The following SLC18B1 variants were observed in gnomAD, a reference collection of about 807,000 sequenced individuals.
SLC18B1 encodes MFS-type transporter SLC18B1.
In SLC18B1, 62 loss-of-function variants were observed where a neutral mutation model predicts 53.9. That is an observed-to-expected ratio of 1.15 (90% confidence interval 0.94 to 1.42). SLC18B1 has a LOEUF of 1.42. Ranked by LOEUF, SLC18B1 falls within the 40% of genes most tolerant of loss-of-function variation. The pLI, the probability that SLC18B1 is intolerant of heterozygous loss-of-function variation, is 0.00. For missense variants in SLC18B1, 598 were observed against 547.3 expected (o/e 1.09, Z -0.93); for synonymous variants, 217 against 200.9 (o/e 1.08, Z -0.68).
At chr6:132,783,291 C>T (rs61310652) in intron 6 of SLC18B1, among the ~76,000 whole-genome samples, 18,602 of 152,000 alleles carry the variant, frequency 0.12, 2,114 homozygotes, top group African/African-American at 0.3. Flanking sequence ...ATTCTCATGC[C>T]TCAGCCTTCT....
Position 132,797,050 on chromosome 6 carries a change from A to C in SLC18B1, c.115T>G (p.Ser39Ala). ...GAACCTAAGTTCACCGAAGCTGCCG[A>C]TATCAGTACAAAAACCTGTTCTCTC... is the stretch of plus-strand genomic sequence containing the variant. ...LSREQVFVLISAASVNLGSMM... is the reference protein window; with the variant it reads ...LSREQVFVLIAAASVNLGSMM... The change falls in exon 2 of 14, where the codon TCG becomes GCG. Residue 39 changes from serine (S) to alanine (A), a missense_variant. Transcript: ENST00000275227. 1 of 1,614,186 alleles carries C rather than the reference A, an allele frequency of 6.2e-7. No individual in the cohort carries two copies. Among genetic ancestry groups the C allele is most frequent in the African/African-American group, 1.3e-5 (1 of 75,040 alleles).
intron 3 of SLC18B1, 144 bp from the exon 4 acceptor site, chr6:132,789,981 C>T: frequency 1.5e-6 from 1 of 670,380 alleles, no homozygotes; most frequent in South Asian, 2.0e-5. Context: ...AATATGGTGA[C>T]AGTACTCATT....
intron 6 of SLC18B1, among the ~76,000 whole-genome samples, chr6:132,780,565 G>GTT (rs10537572): frequency 2.8e-3 from 210 of 75,724 alleles, no homozygotes; most frequent in Non-Finnish European, 3.5e-3. Flanking sequence ...CGTGGTGTTA[G>GTT]TTTTTTTTTT....
At chr6:132,786,331 G>A (rs1402177019) in intron 5 of SLC18B1, among the ~76,000 whole-genome samples, 1 of 151,980 alleles carries the variant, frequency 6.6e-6, no homozygotes, top group African/African-American at 2.4e-5. Context: ...GGATCACGAG[G>A]TCAGGAGATC....
chr6:132,787,592 A>C lies in SLC18B1; in HGVS notation c.354-11T>G. Reference sequence around the variant, plus strand: ...ACTCGGTCCAATACACTAAAAAGGAATAAGACAATTCTGAAATGCCAAGCT... The same window carrying C: ...ACTCGGTCCAATACACTAAAAAGGACTAAGACAATTCTGAAATGCCAAGCT... On this transcript the variant is annotated splice_polypyrimidine_tract_variant and intron_variant, in intron 4 of 13. Transcript: ENST00000275227. 4 of 1,533,676 alleles carry C rather than the reference A, an allele frequency of 2.6e-6. No individual in the cohort carries two copies. Among genetic ancestry groups the C allele is most frequent in the Non-Finnish European group, 3.5e-6 (4 of 1,147,242 alleles).
intron 8 of SLC18B1, 100 bp downstream of exon 8, chr6:132,776,228 C>A: frequency 1.1e-6 from 1 of 883,668 alleles, no homozygotes; most frequent in Non-Finnish European, 1.8e-6. Flanking sequence ...TTGAATATAT[C>A]AAGTCTAACC....
chr6:132,777,451 C>T (rs1781126706), intron 7 of SLC18B1, among the ~76,000 whole-genome samples: 2 of 152,150 alleles, frequency 1.3e-5, no homozygotes, highest in South Asian at 2.1e-4. Flanking sequence ...CGGTGGCTCA[C>T]GCCTGTAATC....
At chr6:132,774,397 C>A in intron 8 of SLC18B1, 84 bp from the exon 9 acceptor site, 2 of 1,055,850 alleles carry the variant, frequency 1.9e-6, no homozygotes, top group South Asian at 1.6e-5. Context: ...TAGTAAAAAA[C>A]ACAAATCATG....
In SLC18B1 at chr6:132,784,050, C is replaced by CTAG; in HGVS notation, c.538_540dup (p.Leu180dup). 1 of 1,605,784 alleles carries CTAG rather than the reference C, an allele frequency of 6.2e-7. No homozygotes were observed. Among genetic ancestry groups the CTAG allele is most frequent in the Non-Finnish European group, 8.5e-7 (1 of 1,176,738 alleles). ...TACAAAAAGCCACCTACAGGAGGACCTAGTATTAGCCCCAGTCCAGAAAAA... is the reference window on the plus strand; with the variant it reads ...TACAAAAAGCCACCTACAGGAGGACCTAGTAGTATTAGCCCCAGTCCAGAAAAA... On this transcript the variant is annotated inframe_insertion, in exon 6 of 14. Coordinates refer to ENST00000275227, the MANE Select transcript of SLC18B1 (RefSeq NM_052831.3).
At chr6:132,782,014 T>C (rs9493441) in intron 6 of SLC18B1, among the ~76,000 whole-genome samples, 25,982 of 150,508 alleles carry the variant, frequency 0.17, 4,896 homozygotes, top group African/African-American at 0.47. Flanking sequence ...ATGGTGAAAC[T>C]CTGTCTCTAC....
intron 1 of SLC18B1, among the ~76,000 whole-genome samples, chr6:132,798,153 T>C (rs1232489123): frequency 6.6e-6 from 1 of 152,214 alleles, no homozygotes; most frequent in Non-Finnish European, 1.5e-5. Flanking sequence ...GGCATACTTA[T>C]TTGAATGCAT....
Position 132,790,164 on chromosome 6 carries a change from A to G in SLC18B1, c.279+13T>C, listed in dbSNP as rs775059837. 2 of 1,537,152 alleles carry G rather than the reference A, an allele frequency of 1.3e-6. No homozygotes were observed. Among genetic ancestry groups the G allele is most frequent in the African/African-American group, 2.8e-5 (2 of 72,218 alleles). ...TTTAAAAATTAAGATGTGCATATGAACTTTATACTTACATAGTTTCCAAAT... is the reference window on the plus strand; with the variant it reads ...TTTAAAAATTAAGATGTGCATATGAGCTTTATACTTACATAGTTTCCAAAT... On this transcript the variant is annotated intron_variant, in intron 3 of 13. Transcript: ENST00000275227.
chr6:132,782,332 T>C (rs1781259945), intron 6 of SLC18B1, among the ~76,000 whole-genome samples: 1 of 152,226 alleles, frequency 6.6e-6, no homozygotes. Flanking sequence ...TATTTTGATA[T>C]GTGTATACAT....
intron 7 of SLC18B1, among the ~76,000 whole-genome samples, chr6:132,778,051 T>C (rs1431687595): frequency 1.3e-5 from 2 of 151,888 alleles, no homozygotes; most frequent in Admixed American, 1.3e-4. Context: ...GGGTAGGTAA[T>C]GGAAAATTAC....
At position 132,770,352 on chromosome 6, in the gene SLC18B1, GAA is replaced by G. The variant is rs768269246; in HGVS notation, c.1305-18_1305-17del. 9 of 1,595,016 alleles carry G rather than the reference GAA, an allele frequency of 5.6e-6. No individual in the cohort carries two copies. The African/African-American group carries it at 6.7e-5, about 12-fold the overall frequency. On this transcript the variant is annotated splice_polypyrimidine_tract_variant and intron_variant, in intron 13 of 13. Coordinates refer to ENST00000275227, the MANE Select transcript of SLC18B1 (RefSeq NM_052831.3). ...AGATTTAGACCTACATTGAGGGAAA[GAA>G]GAGATGAATCTCAATATTTCTCATC...
At chr6:132,773,921 T>C (rs1007693487) in intron 9 of SLC18B1, among the ~76,000 whole-genome samples, 5 of 151,914 alleles carry the variant, frequency 3.3e-5, no homozygotes, top group Non-Finnish European at 7.4e-5. Flanking sequence ...TAAAGGTAAG[T>C]AGCAACAAAT....
intron 2 of SLC18B1, among the ~76,000 whole-genome samples, chr6:132,792,276 AAAGAAAGGAAGAAAGGAAGG>A (rs1562271382): frequency 7.7e-5 from 4 of 51,634 alleles, no homozygotes; most frequent in Admixed American, 3.5e-4. Flanking sequence ...AGAAAGAAAG[AAAGAAAGGAAGAAAGGAAGG>A]AAGGAAGGAA....
chr6:132,772,265 A>T (rs1436587236), intron 10 of SLC18B1, 59 bp from the exon 11 acceptor site: 1 of 1,074,320 alleles, frequency 9.3e-7, no homozygotes, highest in African/African-American at 1.7e-5. Flanking sequence ...TGAAAGAAAA[A>T]ATTGTATGAT....
intron 2 of SLC18B1, among the ~76,000 whole-genome samples, chr6:132,792,284 G>GAAAGAAAGAAAGAAAGGAAGGAAGA (rs1461079612): frequency 2.6e-5 from 1 of 37,780 alleles, no homozygotes; most frequent in Non-Finnish European, 4.7e-5. Context: ...AGAAAGAAAG[G>GAAAGAAAGAAAGAAAGGAAGGAAGA]AAGAAAGGAA....
Sources: allele counts gnomAD v4.1 joint callset (sites outside exome capture counted in the v4.1 genomes callset), GRCh38; gene constraint gnomAD v4.1.1; transcripts MANE v1.5; gene names NCBI Gene and HGNC (gene_info 2026-07-23, HGNC 2026-07-21).